ESR1: variants seen among roughly 807,000 people sequenced by gnomAD.
ESR1 encodes estrogen receptor.
In ESR1, 12 loss-of-function variants were observed where a neutral mutation model predicts 52.7. The observed-to-expected ratio is 0.23, with a 90% CI of 0.15 to 0.37. The LOEUF (loss-of-function observed/expected upper bound fraction) is 0.37. Among genes scored for constraint, ESR1 ranks in the 10% least tolerant of loss-of-function variants. ESR1 has a pLI of 1.00. For missense variants in ESR1, 584 were observed against 779.7 expected (o/e 0.75, Z 2.99); for synonymous variants, 305 against 316.8 (o/e 0.96, Z 0.39).
At chr6:151,735,652 A>C (rs1468279258) in intron 2 of ESR1, among the ~76,000 whole-genome samples, 1 of 151,540 alleles carries the variant, frequency 6.6e-6, no homozygotes, top group Admixed American at 6.6e-5. Context: ...CTGGGATTTT[A>C]GTTTACCCAT....
rs1381799069 is a variant in ESR1 at position 151,808,065 on chromosome 6, GTACAACTACCCCGAGGGCGCCGCC to G, written c.157_180del (p.Asn53_Tyr60del). Reference sequence around the variant, plus strand: ...ACCTGGACAGCAGCAAGCCCGCCGTGTACAACTACCCCGAGGGCGCCGCCTACGAGTTCAACGCCGCGGCCGCCG... The same window carrying G: ...ACCTGGACAGCAGCAAGCCCGCCGTGTACGAGTTCAACGCCGCGGCCGCCG... On this transcript the variant is annotated inframe_deletion, in exon 1 of 8. Transcript: ENST00000206249. The G allele has an allele frequency of 1.2e-6, 2 of 1,613,504 alleles. No individual in the cohort carries two copies. Among genetic ancestry groups the G allele is most frequent in the Non-Finnish European group, 1.7e-6 (2 of 1,179,916 alleles).
Position 152,003,496 on chromosome 6 carries a change from A to C in ESR1, c.1097-8160A>C, listed in dbSNP as rs890123146. Among the ~76,000 whole-genome samples the C allele has an allele frequency of 3.9e-5, 6 of 152,038 alleles. No individual in the cohort carries two copies. The Middle Eastern group carries it at 0.01, about 259-fold the overall frequency. ...TCCAGAAACAAGTAGGAGTGAGGCA[A>C]TCATTTTCCCATGAAACAAGTAAAA... On this transcript the variant is annotated intron_variant, in intron 4 of 7. Transcript: ENST00000206249.
intron 2 of ESR1, among the ~76,000 whole-genome samples, chr6:151,792,991 A>G (rs1776330766): frequency 6.6e-6 from 1 of 151,994 alleles, no homozygotes; most frequent in South Asian, 2.1e-4. Context: ...TAACACGGTG[A>G]AACCCTGTCT....
intron 4 of ESR1, among the ~76,000 whole-genome samples, chr6:151,969,654 C>T (rs1233275779): frequency 6.6e-6 from 1 of 152,208 alleles, no homozygotes; most frequent in Non-Finnish European, 1.5e-5. Flanking sequence ...GCAGGAAGCG[C>T]TTTTCCCTCC....
chr6:151,784,842 T>C (rs1411537570), intron 2 of ESR1, among the ~76,000 whole-genome samples: 1 of 152,204 alleles, frequency 6.6e-6, no homozygotes, highest in Non-Finnish European at 1.5e-5. Context: ...TATTTATTGG[T>C]TGGCTGGTGC....
intron 2 of ESR1, among the ~76,000 whole-genome samples, chr6:151,779,933 C>T (rs1266665689): frequency 6.8e-6 from 1 of 147,880 alleles, no homozygotes; most frequent in Non-Finnish European, 1.5e-5. Flanking sequence ...AAATGTGGCA[C>T]ATATACACCA....
chr6:152,089,558 C>T (rs2050012279), intron 6 of ESR1, among the ~76,000 whole-genome samples: 1 of 152,230 alleles, frequency 6.6e-6, no homozygotes, highest in African/African-American at 2.4e-5. Flanking sequence ...TGGGCACAGC[C>T]ATGTGAAAGC....
In ESR1 at chr6:152,045,619, G is replaced by A. The variant is rs145203934; in HGVS notation, c.1236-15372G>A. On this transcript the variant is annotated intron_variant, in intron 5 of 7. Transcript: ENST00000206249. ...TTTCTATTACAACAGTACCTTTCTC[G>A]TGGAGTTGTAGTGATTAGATATCTA... is the stretch of plus-strand genomic sequence containing the variant. Among the ~76,000 whole-genome samples, 103 of 152,168 alleles carry A rather than the reference G, an allele frequency of 6.8e-4. 1 individual carries two copies. The East Asian group carries it at 0.016, about 24-fold the overall frequency.
intron 2 of ESR1, among the ~76,000 whole-genome samples, chr6:151,767,979 C>T (rs1785202883): frequency 6.6e-6 from 1 of 152,134 alleles, no homozygotes; most frequent in Non-Finnish European, 1.5e-5. Context: ...GGACTAGGCA[C>T]TGTACTTCAG....
chr6:151,995,242 A>G (rs1204883277), intron 4 of ESR1, among the ~76,000 whole-genome samples: 1 of 152,146 alleles, frequency 6.6e-6, no homozygotes, highest in African/African-American at 2.4e-5. Flanking sequence ...AGGACAAGTG[A>G]CATCTGACAT....
At chr6:151,952,190 C>T (rs978488423) in intron 4 of ESR1, among the ~76,000 whole-genome samples, 1 of 152,162 alleles carries the variant, frequency 6.6e-6, no homozygotes, top group Non-Finnish European at 1.5e-5. Context: ...TATTATCTAG[C>T]TTAGTAATTG....
At chr6:151,935,324 T>C (rs1236394660) in intron 3 of ESR1, among the ~76,000 whole-genome samples, 1 of 152,150 alleles carries the variant, frequency 6.6e-6, no homozygotes, top group African/African-American at 2.4e-5. Context: ...ACGTGAAGGA[T>C]GAATAACCAG....
intron 5 of ESR1, among the ~76,000 whole-genome samples, chr6:152,014,923 C>T (rs146232211): frequency 0.022 from 3,380 of 152,064 alleles, 142 homozygotes; most frequent in African/African-American, 0.075. Context: ...CAAAGTTAGC[C>T]GGGCATGGTG....
intron 6 of ESR1, among the ~76,000 whole-genome samples, chr6:152,086,564 A>C (rs887063870): frequency 1.3e-5 from 2 of 151,338 alleles, no homozygotes; most frequent in African/African-American, 4.9e-5. Flanking sequence ...GAACCAGTTC[A>C]TCAGTTTCAC....
intron 1 of ESR1, among the ~76,000 whole-genome samples, chr6:151,659,365 C>T (rs1306461879): frequency 6.6e-6 from 1 of 152,180 alleles, no homozygotes; most frequent in Non-Finnish European, 1.5e-5. Context: ...AGTGGCAGGC[C>T]TTTCCTACTG....
At chr6:152,118,297 C>CT (rs2051233109) in intron 6 of ESR1, 1 of 152,132 alleles carries the variant, frequency 6.6e-6, no homozygotes, top group Admixed American at 6.5e-5. Flanking sequence ...GGATTCTTCT[C>CT]TATGTCAAAG....
chr6:152,085,159 T>TAGGTA (rs1253552208), intron 6 of ESR1, among the ~76,000 whole-genome samples: 1 of 152,060 alleles, frequency 6.6e-6, no homozygotes, highest in Admixed American at 6.6e-5. Context: ...TAGGTATAGC[T>TAGGTA]TGGCATGGTG....
At chr6:151,875,975 G>A (rs1473434052) in intron 2 of ESR1, among the ~76,000 whole-genome samples, 2 of 152,176 alleles carry the variant, frequency 1.3e-5, no homozygotes, top group Non-Finnish European at 2.9e-5. Flanking sequence ...GCCACCCTGT[G>A]GGGAAGGATT....
downstream of ESR1, among the ~76,000 whole-genome samples, chr6:152,107,507 A>C (rs746996630): frequency 2.0e-5 from 3 of 152,176 alleles, no homozygotes; most frequent in Non-Finnish European, 4.4e-5. Flanking sequence ...CATTGTTGTC[A>C]TACTCTAATT....
Sources: gnomAD v4.1 joint callset for allele counts (sites outside exome capture counted in the v4.1 genomes callset) on GRCh38, gnomAD v4.1.1 for gene constraint, MANE v1.5 for transcripts, NCBI Gene and HGNC (gene_info 2026-07-23, HGNC 2026-07-21) for gene names.